The following UGT1A8 variants were observed in gnomAD, a reference collection of about 807,000 sequenced individuals.
UGT1A8 encodes UDP-glucuronosyltransferase 1A8.
UGT1A8 carries 39 observed loss-of-function variants against 45.3 expected under a neutral mutation model. The ratio of observed to expected loss-of-function variants is 0.86; its 90% CI spans 0.67 to 1.12. UGT1A8 has a LOEUF of 1.12. Among genes scored for constraint, UGT1A8 ranks in the 50% most tolerant of loss-of-function variants. UGT1A8 has a pLI of 0.00. For missense variants in UGT1A8, 719 were observed against 664.9 expected (o/e 1.08, Z -0.90); for synonymous variants, 275 against 249.2 (o/e 1.10, Z -0.97).
chr2:233,686,416 T>C (rs2074788594), intron 1 of UGT1A8, among the ~76,000 whole-genome samples: 1 of 152,184 alleles, frequency 6.6e-6, no homozygotes, highest in Non-Finnish European at 1.5e-5. Context: ...GGTGTGCAGA[T>C]AAACACACGC....
chr2:233,697,528 G>A (rs1448726648), intron 1 of UGT1A8, among the ~76,000 whole-genome samples: 1 of 142,188 alleles, frequency 7.0e-6, no homozygotes, highest in African/African-American at 2.6e-5. Context: ...AAAACTTTTT[G>A]TTTCATTGGT....
In UGT1A8 at chr2:233,627,644, C is replaced by CCTTT. The variant is rs1171555683; in HGVS notation, c.855+9085_855+9086insTCTT. ...TCCTTTCTTCCTTCCTTCCTTCCTTCCTTCCTTCCTTCCTTCCTTCCTTCC... is the reference window on the plus strand; with the variant it reads ...TCCTTTCTTCCTTCCTTCCTTCCTTCCTTTCTTCCTTCCTTCCTTCCTTCCTTCC... On this transcript the variant is annotated intron_variant, in intron 1 of 4. Transcript: ENST00000373450. 7.0e-3 allele frequency among the ~76,000 whole-genome samples: 1,029 copies of CCTTT among 146,258 alleles called. 5 individuals carry two copies. The highest frequency in any genetic ancestry group is 0.013 in the Non-Finnish European group (865 of 66,286).
intron 1 of UGT1A8, chr2:233,671,709 C>A: frequency 1.0e-6 from 1 of 964,160 alleles, no homozygotes; most frequent in Non-Finnish European, 1.4e-6. Context: ...AAGGCAAAGA[C>A]CATAAGCTAC....
At chr2:233,772,217 A>G (rs759524121) in intron 4 of UGT1A8, 45 bp from the exon 5 acceptor site, 1 of 1,612,380 alleles carries the variant, frequency 6.2e-7, no homozygotes, top group South Asian at 1.1e-5. Flanking sequence ...AGGATTGTTC[A>G]TACCACAGGT....
chr2:233,623,881 C>A (rs908545751), intron 1 of UGT1A8, among the ~76,000 whole-genome samples: 6 of 152,162 alleles, frequency 3.9e-5, no homozygotes, highest in African/African-American at 1.4e-4. Flanking sequence ...TTGCAGAGAT[C>A]ATCCAGACAG....
At chr2:233,693,531 G>C in intron 1 of UGT1A8, 1 of 1,614,154 alleles carries the variant, frequency 6.2e-7, no homozygotes, top group Admixed American at 1.7e-5. Context: ...GGTTTTCCGT[G>C]TTCCCTGGAG....
Position 233,618,421 on chromosome 2 carries a change from T to C in UGT1A8, c.714T>C (p.Pro238=), listed in dbSNP as rs756810198. The part of the protein sequence containing the change: ...LEIASEILQT[P]VTAYDLYSHT... The stretch of plus-strand genomic sequence containing the variant: ...TAGCCTCTGAAATTCTCCAAACACC[T>C]GTCACAGCATATGATCTCTACAGCC... The change falls in exon 1 of 5, where the codon CCT becomes CCC. Residue 238 remains proline, a synonymous_variant. Transcript: ENST00000373450. The C allele has an allele frequency of 1.9e-6, 3 of 1,613,958 alleles. No homozygotes were observed. The highest frequency in any genetic ancestry group is 2.5e-6 in the Non-Finnish European group (3 of 1,179,862).
chr2:233,712,801 T>G (rs903788650), intron 1 of UGT1A8, among the ~76,000 whole-genome samples: 3 of 152,228 alleles, frequency 2.0e-5, no homozygotes, highest in Non-Finnish European at 4.4e-5. Flanking sequence ...GATCGGTCTT[T>G]CCCAGGGTGG....
At chr2:233,694,982 G>A (rs2075253119) in intron 1 of UGT1A8, among the ~76,000 whole-genome samples, 1 of 152,086 alleles carries the variant, frequency 6.6e-6, no homozygotes, top group East Asian at 1.9e-4. Context: ...TCCTTATGTT[G>A]GGAACATTCC....
chr2:233,622,940 A>G (rs998094025), intron 1 of UGT1A8, among the ~76,000 whole-genome samples: 1 of 152,178 alleles, frequency 6.6e-6, no homozygotes, highest in African/African-American at 2.4e-5. Context: ...AGCTTTCTAC[A>G]TATGGCTAGC....
intron 1 of UGT1A8, chr2:233,713,109 C>T: frequency 6.2e-7 from 1 of 1,614,208 alleles, no homozygotes; most frequent in Admixed American, 1.7e-5. Context: ...TGATGGCAGC[C>T]ACTGGCTCAG....
chr2:233,648,860 T>C, intron 1 of UGT1A8: 1 of 1,229,070 alleles, frequency 8.1e-7, no homozygotes, highest in Non-Finnish European at 1.2e-6. Context: ...GCCTTAAACA[T>C]AGCCTCTGAA....
chr2:233,666,259 G>A (rs1038743040), intron 1 of UGT1A8, among the ~76,000 whole-genome samples: 1 of 152,158 alleles, frequency 6.6e-6, no homozygotes, highest in East Asian at 1.9e-4. Context: ...TCATTCATCA[G>A]GGATCCACTC....
chr2:233,709,237 G>T (rs1333156053), intron 1 of UGT1A8, among the ~76,000 whole-genome samples: 1 of 152,106 alleles, frequency 6.6e-6, no homozygotes, highest in Non-Finnish European at 1.5e-5. Context: ...AGGGGTGGCC[G>T]CTGGGATGAG....
At chr2:233,690,759 AT>A (rs1559344493) in intron 1 of UGT1A8, 32 of 285,874 alleles carry the variant, frequency 1.1e-4, no homozygotes, top group Middle Eastern at 1.4e-3. Context: ...CAGTGCAGAC[AT>A]ACACACACAC....
At chr2:233,631,413 C>T (rs1427404642) in intron 1 of UGT1A8, among the ~76,000 whole-genome samples, 4 of 152,168 alleles carry the variant, frequency 2.6e-5, no homozygotes, top group African/African-American at 9.7e-5. Context: ...TGAATCGCCA[C>T]ACTGTCTTCC....
At chr2:233,664,403 C>T (rs903864860) in intron 1 of UGT1A8, among the ~76,000 whole-genome samples, 1 of 152,094 alleles carries the variant, frequency 6.6e-6, no homozygotes, top group African/African-American at 2.4e-5. Context: ...CTGTTGGTAC[C>T]AATTTTCTAC....
rs760077462 is a variant in UGT1A8, at chr2:233,725,078, TC to T, written c.856-41955del. Among the ~76,000 whole-genome samples, 17 of 144,282 alleles carry T rather than the reference TC, an allele frequency of 1.2e-4. 2 individuals carry two copies. Among genetic ancestry groups the T allele is most frequent in the Non-Finnish European group, 2.4e-4 (16 of 65,662 alleles). The allele number at this position is 144,282 out of a possible 152,430, so 94.7% of individuals were successfully genotyped here. On this transcript the variant is annotated intron_variant, in intron 1 of 4. Coordinates refer to ENST00000373450, the MANE Select transcript of UGT1A8 (RefSeq NM_019076.5). ...GGCGCGCGCCTGCAATCGCAGGCAC[TC>T]GGCAGGCTGAGGCAGGAGAATCAGG...
chr2:233,734,667 C>G (rs1395342717), intron 1 of UGT1A8, among the ~76,000 whole-genome samples: 1 of 152,100 alleles, frequency 6.6e-6, no homozygotes. Flanking sequence ...ATAAATTTCC[C>G]TCTACACACT....
Sources: gnomAD v4.1 joint callset for allele counts (sites outside exome capture counted in the v4.1 genomes callset) on GRCh38, gnomAD v4.1.1 for gene constraint, MANE v1.5 for transcripts, NCBI Gene and HGNC (gene_info 2026-07-23, HGNC 2026-07-21) for gene names.